The following EDIL3 variants were observed in gnomAD, a reference collection of about 807,000 sequenced individuals.
EDIL3 encodes EGF-like repeat and discoidin I-like domain-containing protein 3.
In EDIL3, 37 loss-of-function variants were observed where a neutral mutation model predicts 67.4. The observed-to-expected ratio is 0.55, with a 90% confidence interval of 0.42 to 0.72. The LOEUF (loss-of-function observed/expected upper bound fraction) is 0.72, where lower values mean the gene tolerates loss of function less well. Ranked by LOEUF, EDIL3 falls within the 30% of genes least tolerant of loss-of-function variation. EDIL3 has a pLI of 0.00. For missense variants in EDIL3, 527 were observed against 586.3 expected (o/e 0.90, Z 1.04); for synonymous variants, 195 against 196.3 (o/e 0.99, Z 0.05).
chr5:84,119,212 G>GTT (rs66522256), intron 5 of EDIL3, among the ~76,000 whole-genome samples: 19,566 of 82,290 alleles, frequency 0.24, 3,195 homozygotes, highest in Middle Eastern at 0.31. Flanking sequence ...CATGCATTTG[G>GTT]TTTTTTTTTT....
At chr5:84,290,906 A>G (rs1021713758) in intron 1 of EDIL3, among the ~76,000 whole-genome samples, 1 of 152,172 alleles carries the variant, frequency 6.6e-6, no homozygotes, top group Non-Finnish European at 1.5e-5. Context: ...CTTCATTTCA[A>G]GTGGCTCAGT....
At chr5:84,223,392 A>AT (rs1168519242) in intron 3 of EDIL3, among the ~76,000 whole-genome samples, 1 of 151,476 alleles carries the variant, frequency 6.6e-6, no homozygotes, top group Non-Finnish European at 1.5e-5. Flanking sequence ...CTGAGTGTCC[A>AT]TTGATTAATT....
intron 9 of EDIL3, among the ~76,000 whole-genome samples, chr5:84,054,926 C>A (rs1746415342): frequency 6.9e-6 from 1 of 145,918 alleles, no homozygotes; most frequent in Non-Finnish European, 1.5e-5. Context: ...ATCAAGCTAC[C>A]AATGACTTTC....
rs1280988298 is a variant in EDIL3 at position 84,067,148 on chromosome 5, A to G, written c.652-542T>C. ...GTATCCCTTAAGTTTCTGGATCTTT[A>G]CACTGTAGTCTGTGGAGCATTTTTT... is the stretch of plus-strand genomic sequence containing the variant. On this transcript the variant is annotated intron_variant, in intron 6 of 10. Transcript: ENST00000296591. Among the ~76,000 whole-genome samples the G allele has an allele frequency of 2.0e-5, 3 of 152,304 alleles. No individual in the cohort carries two copies. The East Asian group carries it at 5.8e-4, about 29-fold the overall frequency.
intron 1 of EDIL3, among the ~76,000 whole-genome samples, chr5:84,306,999 T>G (rs1746286282): frequency 6.6e-6 from 1 of 152,240 alleles, no homozygotes; most frequent in Admixed American, 6.5e-5. Context: ...TCCAGTATAA[T>G]CAACTAACTA....
intron 9 of EDIL3, among the ~76,000 whole-genome samples, chr5:83,984,211 G>A (rs1181026479): frequency 6.6e-6 from 1 of 152,044 alleles, no homozygotes; most frequent in Non-Finnish European, 1.5e-5. Flanking sequence ...GAGACAAGTC[G>A]AGCAAGGCAT....
chr5:84,301,377 T>C (rs562341985), intron 1 of EDIL3, among the ~76,000 whole-genome samples: 1 of 152,146 alleles, frequency 6.6e-6, no homozygotes, highest in South Asian at 2.1e-4. Context: ...TTCAACTGCA[T>C]GTACTATAAA....
At chr5:84,317,814 G>T (rs560302967) in intron 1 of EDIL3, among the ~76,000 whole-genome samples, 1 of 152,266 alleles carries the variant, frequency 6.6e-6, no homozygotes, top group Admixed American at 6.5e-5. Context: ...TCTGCTCAGG[G>T]TAATCAGGCA....
chr5:84,102,605 TAAAAC>T (rs960119436), intron 6 of EDIL3, among the ~76,000 whole-genome samples: 9 of 146,934 alleles, frequency 6.1e-5, no homozygotes, highest in Admixed American at 4.1e-4. Context: ...CTACAATTGC[TAAAAC>T]AAAACAAAAC....
At position 84,017,499 on chromosome 5, in the gene EDIL3, G is replaced by A. The variant is rs548604490; in HGVS notation, c.1137+42801C>T. On this transcript the variant is annotated intron_variant, in intron 9 of 10. Coordinates refer to ENST00000296591, the MANE Select transcript of EDIL3 (RefSeq NM_005711.5). The stretch of plus-strand genomic sequence containing the variant: ...AATATAATTATTCTGGTGAAACTAT[G>A]TGAGGACCAAAGTCACTGAAAAGTT... 2.0e-4 allele frequency among the ~76,000 whole-genome samples: 31 copies of A among 152,278 alleles called. 1 individual carries two copies. The highest frequency in any genetic ancestry group is 7.0e-4 in the African/African-American group (29 of 41,572).
intron 9 of EDIL3, among the ~76,000 whole-genome samples, chr5:84,030,930 T>C (rs1745909693): frequency 6.6e-6 from 1 of 151,808 alleles, no homozygotes; most frequent in African/African-American, 2.4e-5. Flanking sequence ...AAAACAACAT[T>C]TTTTTTTCTC....
At chr5:84,199,255 T>C (rs1221615138) in intron 3 of EDIL3, among the ~76,000 whole-genome samples, 1 of 152,040 alleles carries the variant, frequency 6.6e-6, no homozygotes, top group East Asian at 1.9e-4. Context: ...CAGTGACATA[T>C]AACCATCCTC....
At chr5:84,133,218 CA>C (rs749943744) in intron 5 of EDIL3, among the ~76,000 whole-genome samples, 16 of 152,068 alleles carry the variant, frequency 1.1e-4, no homozygotes, top group Admixed American at 3.9e-4. Context: ...GTTAAATTTA[CA>C]TGACAAAGCT....
chr5:84,316,968 G>A (rs899998991), intron 1 of EDIL3, among the ~76,000 whole-genome samples: 10 of 152,002 alleles, frequency 6.6e-5, no homozygotes, highest in Non-Finnish European at 1.3e-4. Context: ...ACTCAAAACC[G>A]CACAACTACA....
intron 8 of EDIL3, among the ~76,000 whole-genome samples, chr5:84,063,478 C>T (rs371323794): frequency 2.7e-4 from 41 of 152,036 alleles, no homozygotes; most frequent in African/African-American, 9.4e-4. Flanking sequence ...AAAAAATACA[C>T]CAACATAGAA....
chr5:84,269,135 C>G (rs996118274), intron 1 of EDIL3, among the ~76,000 whole-genome samples: 2 of 152,024 alleles, frequency 1.3e-5, no homozygotes, highest in African/African-American at 4.8e-5. Flanking sequence ...TTCTTTCACA[C>G]GAATGGACAG....
chr5:84,172,490 A>G (rs1203441272), intron 4 of EDIL3, among the ~76,000 whole-genome samples: 1 of 151,966 alleles, frequency 6.6e-6, no homozygotes, highest in Non-Finnish European at 1.5e-5. Context: ...TGAGGTGGGA[A>G]GATCATTTGA....
At chr5:84,048,402 C>A in intron 9 of EDIL3, 2 of 230,018 alleles carry the variant, frequency 8.7e-6, no homozygotes, top group South Asian at 4.4e-5. Context: ...AATTTGAAAG[C>A]TTAAATTCAA....
chr5:84,027,546 TTTTTATTTTATTTTA>T (rs3043885), intron 9 of EDIL3, among the ~76,000 whole-genome samples: 1 of 146,212 alleles, frequency 6.8e-6, no homozygotes, highest in Non-Finnish European at 1.5e-5. Context: ...ACACCATCCA[TTTTTATTTTATTTTA>T]TTTTATTTTA....
Sources: gnomAD v4.1 joint callset for allele counts (sites outside exome capture counted in the v4.1 genomes callset) on GRCh38, gnomAD v4.1.1 for gene constraint, MANE v1.5 for transcripts, NCBI Gene and HGNC (gene_info 2026-07-23, HGNC 2026-07-21) for gene names.